LRP6: variants seen among roughly 807,000 people sequenced by gnomAD.
LRP6 encodes low-density lipoprotein receptor-related protein 6.
A neutral mutation model predicts 184.1 loss-of-function variants in LRP6; 43 were observed. That is an observed-to-expected ratio of 0.23 (90% CI 0.18 to 0.30). LRP6 has a LOEUF of 0.30. Among genes scored for constraint, LRP6 ranks in the 10% least tolerant of loss-of-function variants. LRP6 has a pLI of 1.00. For missense variants in LRP6, 1,571 were observed against 2,005.3 expected, an observed-to-expected ratio of 0.78 and a Z score of 4.14; for synonymous variants, 719 against 684.9, an observed-to-expected ratio of 1.05 and a Z score of -0.78.
intron 12 of LRP6, among the ~76,000 whole-genome samples, chr12:12,157,622 T>C (rs910408517): frequency 9.8e-5 from 15 of 152,312 alleles, no homozygotes; most frequent in African/African-American, 3.4e-4. Context: ...ACAACTGAAG[T>C]TGGCATCAGA....
Position 12,130,908 on chromosome 12 carries a change from TA to T in LRP6, c.3971-16del. On this transcript the variant is annotated splice_polypyrimidine_tract_variant and intron_variant, in intron 18 of 22. Transcript: ENST00000261349. ...TAAACAAAGCACTGGAAAAAAAACA[TA>T]AATAGTTTCCTTATTTTTAATATCA... 1.4e-6 allele frequency: 2 copies of T among 1,392,128 alleles called. No homozygotes were observed. Among genetic ancestry groups the T allele is most frequent in the East Asian group, 2.3e-5 (1 of 43,818 alleles). 86.2% of individuals were successfully genotyped at this position (1,392,128 alleles called of 1,614,324 possible). A position where few individuals can be genotyped will look rare whatever the true frequency, so the allele number is the denominator to read the frequency against.
chr12:12,253,111 A>T (rs1006368755), intron 1 of LRP6, among the ~76,000 whole-genome samples: 1 of 152,130 alleles, frequency 6.6e-6, no homozygotes, highest in African/African-American at 2.4e-5. Context: ...CAAAAATATA[A>T]AAATTAGCAG....
intron 2 of LRP6, among the ~76,000 whole-genome samples, chr12:12,223,035 A>G (rs560059137): frequency 1.3e-5 from 2 of 152,246 alleles, no homozygotes; most frequent in African/African-American, 4.8e-5. Flanking sequence ...CACCAAAATA[A>G]AATATTTTAA....
In LRP6 at chr12:12,131,992, C is replaced by T; in HGVS notation, c.3799G>A (p.Ala1267Thr). The change falls in exon 18 of 23, where the codon GCT becomes ACT. Residue 1267 changes from alanine to threonine, a missense_variant. Around this residue, in one of 4 missense-constraint regions of LRP6, gnomAD observed 763 missense variants for 859.5 expected, o/e 0.89. Transcript: ENST00000261349. ...FTGEIDCIPV[A>T]WRCDGFTECE... ...TCAGTAAACCCATCGCACCGCCAAGCCACAGGGATACAGTCAATTTCCCCC... is the reference window on the plus strand; with the variant it reads ...TCAGTAAACCCATCGCACCGCCAAGTCACAGGGATACAGTCAATTTCCCCC... The T allele has an allele frequency of 1.2e-6, 2 of 1,614,122 alleles. No individual in the cohort carries two copies. The highest frequency in any genetic ancestry group is 1.7e-6 in the Non-Finnish European group (2 of 1,180,034).
chr12:12,130,702 G>T, intron 19 of LRP6, 81 bp downstream of exon 19: 1 of 806,606 alleles, frequency 1.2e-6, no homozygotes, highest in East Asian at 2.6e-5. Context: ...AGGAAATCTC[G>T]ATAAGTAAAC....
intron 12 of LRP6, chr12:12,155,278 G>T (rs765428818): frequency 5.9e-5 from 44 of 749,174 alleles, no homozygotes; most frequent in Admixed American, 5.0e-4. Context: ...AACACAAAGG[G>T]AAAGAGGAGA....
chr12:12,142,345 C>T (rs1289461718), intron 15 of LRP6, among the ~76,000 whole-genome samples: 1 of 152,118 alleles, frequency 6.6e-6, no homozygotes, highest in Admixed American at 6.6e-5. Context: ...TGCAGGCCCC[C>T]AGATATGGTA....
rs376188127 is a variant in LRP6, at chr12:12,164,301, C to T, written c.2024G>A (p.Arg675Gln). The change falls in exon 9 of 23, where the codon CGA becomes CAA. Residue 675 changes from arginine to glutamine, a missense_variant. Transcript: ENST00000261349. Reference sequence around the variant, plus strand: ...GAGTGATATATCAGTCCAATAAATTCGGTTGTCTGTCACATCAAAATCCAA... The same window carrying T: ...GAGTGATATATCAGTCCAATAAATTTGGTTGTCTGTCACATCAAAATCCAA... ...SALDFDVTDNRIYWTDISLKT... is the reference protein window; with the variant it reads ...SALDFDVTDNQIYWTDISLKT... 1.7e-5 allele frequency: 27 copies of T among 1,613,862 alleles called. No individual in the cohort carries two copies. Among genetic ancestry groups the T allele is most frequent in the African/African-American group, 4.0e-5 (3 of 74,882 alleles).
chr12:12,255,522 T>C (rs938947960), intron 1 of LRP6, among the ~76,000 whole-genome samples: 7 of 151,006 alleles, frequency 4.6e-5, no homozygotes, highest in African/African-American at 1.5e-4. Context: ...ATAAAGTCTC[T>C]CCTTACCTAA....
At chr12:12,250,971 C>T (rs1565716004) in intron 1 of LRP6, among the ~76,000 whole-genome samples, 1 of 151,914 alleles carries the variant, frequency 6.6e-6, no homozygotes, top group South Asian at 2.1e-4. Context: ...CGCTCTGTCA[C>T]CCAGGCTGGA....
intron 2 of LRP6, among the ~76,000 whole-genome samples, chr12:12,243,334 G>A (rs1324858655): frequency 6.6e-6 from 1 of 152,032 alleles, no homozygotes; most frequent in Non-Finnish European, 1.5e-5. Context: ...TAGCTAACTA[G>A]AAATGAGTTA....
At chr12:12,165,401 G>C (rs546184719) in intron 7 of LRP6, 106 bp from the exon 8 acceptor site, 3 of 809,108 alleles carry the variant, frequency 3.7e-6, no homozygotes, top group Admixed American at 3.5e-5. Context: ...GAGTCATCTT[G>C]GTATTCCTAT....
At chr12:12,172,769 C>T (rs1480910503) in intron 7 of LRP6, among the ~76,000 whole-genome samples, 1 of 152,042 alleles carries the variant, frequency 6.6e-6, no homozygotes, top group African/African-American at 2.4e-5. Flanking sequence ...GAATATTTAT[C>T]CACGGAAATA....
intron 2 of LRP6, among the ~76,000 whole-genome samples, chr12:12,226,417 A>T (rs1864624752): frequency 6.6e-6 from 1 of 152,242 alleles, no homozygotes; most frequent in African/African-American, 2.4e-5. Flanking sequence ...TATGATTCAT[A>T]TGCTAAGGAT....
chr12:12,231,006 C>A (rs1366234035), intron 2 of LRP6, among the ~76,000 whole-genome samples: 1 of 151,642 alleles, frequency 6.6e-6, no homozygotes, highest in Non-Finnish European at 1.5e-5. Context: ...TATGGTAAAA[C>A]CCCGTCTCTA....
chr12:12,201,699 A>C (rs1231667123), intron 3 of LRP6, among the ~76,000 whole-genome samples: 1 of 152,156 alleles, frequency 6.6e-6, no homozygotes, highest in Non-Finnish European at 1.5e-5. Flanking sequence ...AAAAACAAAA[A>C]AACTATGACA....
intron 2 of LRP6, among the ~76,000 whole-genome samples, chr12:12,236,476 C>T (rs1355831261): frequency 2.0e-5 from 3 of 152,174 alleles, no homozygotes; most frequent in East Asian, 1.9e-4. Flanking sequence ...GATCGCTGGG[C>T]GGGGTGACGG....
At chr12:12,215,473 T>C (rs969492096) in intron 2 of LRP6, among the ~76,000 whole-genome samples, 3 of 151,916 alleles carry the variant, frequency 2.0e-5, no homozygotes, top group Non-Finnish European at 2.9e-5. Context: ...TTGCCCAAAC[T>C]GGAGTGCAAT....
intron 7 of LRP6, among the ~76,000 whole-genome samples, chr12:12,173,555 C>T (rs1040381290): frequency 6.6e-6 from 1 of 152,028 alleles, no homozygotes; most frequent in Non-Finnish European, 1.5e-5. Flanking sequence ...GTTGCCCAGG[C>T]TTGTCTCAAA....
Sources: gnomAD v4.1 joint callset for allele counts (sites outside exome capture counted in the v4.1 genomes callset) on GRCh38, gnomAD v4.1.1 for gene constraint, gnomAD v4.1.1 regional missense constraint, MANE v1.5 for transcripts, NCBI Gene and HGNC (gene_info 2026-07-23, HGNC 2026-07-21) for gene names.